XKR4: variants seen among roughly 807,000 people sequenced by gnomAD.
XKR4 encodes XK-related protein 4.
In XKR4, 12 loss-of-function variants were observed where a neutral mutation model predicts 53.9. The observed-to-expected ratio is 0.22, with a 90% CI of 0.14 to 0.36. XKR4 has a LOEUF of 0.36. Among genes scored for constraint, XKR4 ranks in the 10% least tolerant of loss-of-function variants. XKR4 has a pLI of 1.00. For missense variants in XKR4, 799 were observed against 859.5 expected (o/e 0.93, Z 0.88); for synonymous variants, 354 against 362.4 (o/e 0.98, Z 0.26).
chr8:55,501,136 A>C (rs1399774044), intron 2 of XKR4, among the ~76,000 whole-genome samples: 1 of 152,194 alleles, frequency 6.6e-6, no homozygotes, highest in African/African-American at 2.4e-5. Flanking sequence ...CAACAAATTC[A>C]ATTTTTTAAA....
At chr8:55,469,628 G>T (rs1037046241) in intron 2 of XKR4, among the ~76,000 whole-genome samples, 1 of 151,992 alleles carries the variant, frequency 6.6e-6, no homozygotes, top group Non-Finnish European at 1.5e-5. Flanking sequence ...GCATAATATA[G>T]CAGAACTTAA....
At chr8:55,390,142 G>A (rs573579360) in intron 2 of XKR4, among the ~76,000 whole-genome samples, 1 of 152,324 alleles carries the variant, frequency 6.6e-6, no homozygotes, top group Admixed American at 6.5e-5. Flanking sequence ...TTGTGAGCAT[G>A]TGGAGGCTTC....
At position 55,538,618 on chromosome 8, in the gene XKR4, T is replaced by C. The variant is rs72649585; in HGVS notation, c.*14391T>C. 0.074 allele frequency: 11,336 copies of C among 152,292 alleles called. 547 individuals carry two copies. The highest frequency in any genetic ancestry group is 0.13 in the South Asian group (619 of 4,832). 9.4% of individuals were successfully genotyped at this position (152,292 alleles called of 1,614,324 possible). A position where few individuals can be genotyped will look rare whatever the true frequency, so the allele number is the denominator to read the frequency against. On this transcript the variant is annotated 3_prime_UTR_variant, in exon 3 of 3. Coordinates refer to ENST00000327381, the MANE Select transcript of XKR4 (RefSeq NM_052898.2). ...TTCCTGTTAACCAAACTGAATTTTA[T>C]TAAATGTTTATTAAAATGCACCCAG...
chr8:55,365,579 T>A (rs1803967918), intron 2 of XKR4, among the ~76,000 whole-genome samples: 1 of 151,768 alleles, frequency 6.6e-6, no homozygotes, highest in Non-Finnish European at 1.5e-5. Context: ...TGGTGGCGCA[T>A]GCCTGTAATC....
intron 1 of XKR4, among the ~76,000 whole-genome samples, chr8:55,176,296 C>T (rs1817233866): frequency 6.6e-6 from 1 of 152,184 alleles, no homozygotes; most frequent in Non-Finnish European, 1.5e-5. Flanking sequence ...GGATTAGATC[C>T]ACTTGTCACT....
chr8:55,409,255 C>G (rs1256151360), intron 2 of XKR4, among the ~76,000 whole-genome samples: 1 of 152,242 alleles, frequency 6.6e-6, no homozygotes, highest in Non-Finnish European at 1.5e-5. Flanking sequence ...TGCCCTAGCT[C>G]TACACTAGAG....
chr8:55,114,490 GCACATCATCACAAATGGGGCCAAAA>G (rs1201338700), intron 1 of XKR4, among the ~76,000 whole-genome samples: 2 of 152,090 alleles, frequency 1.3e-5, no homozygotes, highest in Non-Finnish European at 2.9e-5. Context: ...GAAGGCCAAA[GCACATCATCACAAATGGGGCCAAAA>G]CACATCATCC....
At chr8:55,175,441 C>T (rs1817215643) in intron 1 of XKR4, among the ~76,000 whole-genome samples, 1 of 152,190 alleles carries the variant, frequency 6.6e-6, no homozygotes, top group African/African-American at 2.4e-5. Flanking sequence ...AGTCACTTGA[C>T]AAGTGAATGT....
chr8:55,517,601 T>C (rs970173169), intron 2 of XKR4: 1 of 152,226 alleles, frequency 6.6e-6, no homozygotes, highest in Non-Finnish European at 1.5e-5. Context: ...CAGCATTTTC[T>C]ATCTGTGGGA....
chr8:55,239,105 G>A (rs1460654719), intron 1 of XKR4, among the ~76,000 whole-genome samples: 1 of 152,000 alleles, frequency 6.6e-6, no homozygotes, highest in African/African-American at 2.4e-5. Context: ...AATAATTTGG[G>A]CTCTGTTTTA....
intron 1 of XKR4, among the ~76,000 whole-genome samples, chr8:55,162,696 A>T (rs567029882): frequency 1.3e-5 from 2 of 152,320 alleles, no homozygotes; most frequent in East Asian, 3.9e-4. Context: ...CAGAAAGCAT[A>T]GTCAGTGTTG....
intron 1 of XKR4, among the ~76,000 whole-genome samples, chr8:55,105,808 G>T (rs941451760): frequency 2.6e-5 from 4 of 152,180 alleles, no homozygotes; most frequent in African/African-American, 9.6e-5. Context: ...GTTGGAAAGG[G>T]ATAAGAAAGC....
chr8:55,344,434 C>A (rs973800015), intron 1 of XKR4, among the ~76,000 whole-genome samples: 1 of 150,430 alleles, frequency 6.6e-6, no homozygotes, highest in Non-Finnish European at 1.5e-5. Context: ...AACAAATATT[C>A]TGTTAACCCT....
intron 2 of XKR4, among the ~76,000 whole-genome samples, chr8:55,391,688 T>G (rs1563339165): frequency 6.6e-6 from 1 of 152,094 alleles, no homozygotes; most frequent in Non-Finnish European, 1.5e-5. Context: ...AAATTTGACT[T>G]TAGAAATATA....
At chr8:55,252,067 C>T (rs1009126947) in intron 1 of XKR4, among the ~76,000 whole-genome samples, 2 of 152,184 alleles carry the variant, frequency 1.3e-5, no homozygotes, top group African/African-American at 4.8e-5. Flanking sequence ...TTTGTCCCAC[C>T]TTGGATTAGA....
At chr8:55,492,698 T>C (rs1806289296) in intron 2 of XKR4, among the ~76,000 whole-genome samples, 1 of 152,244 alleles carries the variant, frequency 6.6e-6, no homozygotes, top group South Asian at 2.1e-4. Context: ...CAGTTGATCG[T>C]TTGATCAGAT....
At chr8:55,263,946 G>A (rs1818565240) in intron 1 of XKR4, among the ~76,000 whole-genome samples, 1 of 152,134 alleles carries the variant, frequency 6.6e-6, no homozygotes, top group South Asian at 2.1e-4. Context: ...GTGTATTGAA[G>A]GCCAAGGGAG....
At chr8:55,345,008 G>T (rs982835311) in intron 1 of XKR4, among the ~76,000 whole-genome samples, 1 of 152,200 alleles carries the variant, frequency 6.6e-6, no homozygotes, top group African/African-American at 2.4e-5. Context: ...CCAGCACTTT[G>T]GGAGGCCAAG....
At chr8:55,196,430 G>A (rs368203911) in intron 1 of XKR4, among the ~76,000 whole-genome samples, 2 of 152,098 alleles carry the variant, frequency 1.3e-5, no homozygotes, top group Admixed American at 6.5e-5. Flanking sequence ...TGATCTGCCC[G>A]CCTCAGCCTC....
Sources: gnomAD v4.1 joint callset for allele counts (sites outside exome capture counted in the v4.1 genomes callset) on GRCh38, gnomAD v4.1.1 for gene constraint, MANE v1.5 for transcripts, NCBI Gene and HGNC (gene_info 2026-07-23, HGNC 2026-07-21) for gene names.